The following RNF123 variants were observed in gnomAD, a reference collection of about 807,000 sequenced individuals.
RNF123 encodes the protein E3 ubiquitin-protein ligase RNF123.
Under a neutral mutation model 168.5 loss-of-function variants are expected in RNF123, and 86 were observed. The observed-to-expected ratio is 0.51, with a 90% confidence interval of 0.43 to 0.61. RNF123 has a LOEUF of 0.61. Ranked by LOEUF, RNF123 falls within the 20% of genes least tolerant of loss-of-function variation. The probability of loss-of-function intolerance (pLI) is 0.00; values close to 1 mark genes in which losing one functional copy is unlikely to be tolerated. For synonymous variants in RNF123, 666 were observed against 689.1 expected, an observed-to-expected ratio of 0.97 and a Z score of 0.52; for missense variants, 1,419 against 1,729.7, an observed-to-expected ratio of 0.82 and a Z score of 3.19.
rs768721294 is a variant in RNF123 at position 49,718,797 on chromosome 3, G to T, written c.3501-1714G>T. The T allele has an allele frequency of 5.5e-5, 89 of 1,613,182 alleles. No homozygotes were observed. The Middle Eastern group carries it at 2.5e-3, about 45-fold the overall frequency. On this transcript the variant is annotated intron_variant, in intron 35 of 38. Coordinates refer to ENST00000327697, the MANE Select transcript of RNF123 (RefSeq NM_022064.5). ...GTAGCAGGTGGTAGAGGCGGCAGTCGCAAGGCAAAGGGTTGTTGTGCAAGT... is the reference window on the plus strand; with the variant it reads ...GTAGCAGGTGGTAGAGGCGGCAGTCTCAAGGCAAAGGGTTGTTGTGCAAGT...
chr3:49,706,905 T>C lies in RNF123; in HGVS notation c.2496+7T>C. ...TGCCACTGTCTACTCCCAGGTGTGCTGGTATTGCAGCTGCCCCTTCCCGAC... is the reference window on the plus strand; with the variant it reads ...TGCCACTGTCTACTCCCAGGTGTGCCGGTATTGCAGCTGCCCCTTCCCGAC... On this transcript the variant is annotated splice_region_variant and intron_variant, in intron 26 of 38. Coordinates refer to ENST00000327697, the MANE Select transcript of RNF123 (RefSeq NM_022064.5). 6 of 1,612,800 alleles carry C rather than the reference T, an allele frequency of 3.7e-6. No homozygotes were observed. Among genetic ancestry groups the C allele is most frequent in the Non-Finnish European group, 5.1e-6 (6 of 1,178,786 alleles).
At position 49,697,349 on chromosome 3, in the gene RNF123, T is replaced by C. The variant is rs770501654; in HGVS notation, c.248-14T>C. ...ATGCTCCACCCTGCCTGACCCCACC[T>C]CTCCTCTTTTCAGGACAGGTTGAAG... On this transcript the variant is annotated splice_polypyrimidine_tract_variant and intron_variant, in intron 4 of 38. Transcript: ENST00000327697. 1 of 1,605,452 alleles carries C rather than the reference T, an allele frequency of 6.2e-7. No individual in the cohort carries two copies. Among genetic ancestry groups the C allele is most frequent in the African/African-American group, 1.3e-5 (1 of 74,880 alleles).
intron 1 of RNF123, among the ~76,000 whole-genome samples, chr3:49,690,787 T>C (rs1038778273): frequency 7.2e-5 from 11 of 152,240 alleles, no homozygotes; most frequent in Non-Finnish European, 1.3e-4. Flanking sequence ...ACAGGGGCTC[T>C]GCCCCTAGGA....
In RNF123 at chr3:49,700,462, C is replaced by CT; in HGVS notation, c.1111-8dup. Reference sequence around the variant, plus strand: ...CCCAGTCATGGCTGCCTTGGCATCTCTTCCCCCAGGACTACGAGGTACAAG... The same window carrying CT: ...CCCAGTCATGGCTGCCTTGGCATCTCTTTCCCCCAGGACTACGAGGTACAAG... On this transcript the variant is annotated splice_polypyrimidine_tract_variant and intron_variant, in intron 13 of 38. Transcript: ENST00000327697. 6.2e-7 allele frequency: 1 copy of CT among 1,613,646 alleles called. No homozygotes were observed. The highest frequency in any genetic ancestry group is 1.1e-5 in the South Asian group (1 of 91,070).
Position 49,700,231 on chromosome 3 carries a change from A to G in RNF123, c.989A>G (p.Lys330Arg), listed in dbSNP as rs1327957879. 9 of 1,614,034 alleles carry G rather than the reference A, an allele frequency of 5.6e-6. No individual in the cohort carries two copies. Among genetic ancestry groups the G allele is most frequent in the Admixed American group, 1.7e-5 (1 of 60,008 alleles). Reference sequence around the variant, plus strand: ...CAGTGCCTGGCCTTGGTGCAGCGCAAGGTGTATCTGGTGGAGGCTGTGCTC... The same window carrying G: ...CAGTGCCTGGCCTTGGTGCAGCGCAGGGTGTATCTGGTGGAGGCTGTGCTC... Reference protein sequence around the residue: ...IFHHFAPLLRKVYLVEAVLMS... With the variant: ...IFHHFAPLLRRVYLVEAVLMS... The change falls in exon 13 of 39, where the codon AAG (lysine) becomes AGG (arginine). Residue 330 changes from lysine to arginine, a missense_variant. By Grantham distance (26) the Lys-to-Arg change is conservative. Around this residue, in one of 5 missense-constraint regions of RNF123, gnomAD observed 318 missense variants for 446.6 expected, o/e 0.71. Coordinates refer to ENST00000327697, the MANE Select transcript of RNF123 (RefSeq NM_022064.5).
intron 31 of RNF123, 120 bp from the exon 32 acceptor site, chr3:49,715,455 A>AT (rs1273891918): frequency 7.3e-6 from 9 of 1,229,296 alleles, no homozygotes; most frequent in Middle Eastern, 2.7e-4. Context: ...TGACCTGAGC[A>AT]TTCCTAGGGA....
chr3:49,705,489 G>A (rs2054497609), intron 23 of RNF123, 45 bp from the exon 24 acceptor site: 1 of 1,538,228 alleles, frequency 6.5e-7, no homozygotes, highest in Admixed American at 2.1e-5. Context: ...GCTCAGGAGA[G>A]CCGGGATGGC....
chr3:49,696,981 C>A (rs545195926), intron 3 of RNF123, 162 bp from the exon 4 acceptor site: 9 of 678,764 alleles, frequency 1.3e-5, no homozygotes, highest in Admixed American at 1.2e-4. Context: ...GTGGAGAATT[C>A]GGCCTTCTGA....
At chr3:49,715,003 C>T (rs754326686) in intron 31 of RNF123, among the ~76,000 whole-genome samples, 1 of 152,230 alleles carries the variant, frequency 6.6e-6, no homozygotes, top group Non-Finnish European at 1.5e-5. Flanking sequence ...CCTGCTGCTG[C>T]GGGAACTATT....
chr3:49,694,435 G>C lies in RNF123; in HGVS notation c.168-2708G>C, dbSNP rs2054228982. On this transcript the variant is annotated intron_variant, in intron 3 of 38. Transcript: ENST00000327697. ...TTACTGAGCATCTTTAGGGCCAGGG[G>C]GTCTGCTGTGGCCCATACCAGTGCC... 2.0e-5 allele frequency among the ~76,000 whole-genome samples: 3 copies of C among 152,290 alleles called. 1 individual carries two copies. In the East Asian group the frequency reaches 5.8e-4, roughly 29 times the overall value.
rs1320232211 is a variant in RNF123, at chr3:49,716,006, C to T, written c.3335C>T (p.Ala1112Val). 6.2e-7 allele frequency: 1 copy of T among 1,613,944 alleles called. No individual in the cohort carries two copies. The highest frequency in any genetic ancestry group is 1.7e-5 in the Admixed American group (1 of 60,026). ...PTSEMLLRRL[A>V]QLLNQVLNRV... is the part of the protein sequence containing the mutation. ...TCTGAGATGCTGCTGCGGCGTCTTG[C>T]ACAGGTGTGGCCATCTGGGCAACAA... The change falls in exon 33 of 39, where the codon GCA becomes GTA. Residue 1112 changes from alanine (A) to valine (V), a missense_variant. Ala to Val is a moderately conservative substitution (Grantham distance 64, BLOSUM62 0). Around this residue, in one of 5 missense-constraint regions of RNF123, gnomAD observed 538 missense variants for 708.8 expected, o/e 0.76. Transcript: ENST00000327697.
chr3:49,692,655 C>G (rs1164215111), intron 3 of RNF123, among the ~76,000 whole-genome samples: 1 of 152,226 alleles, frequency 6.6e-6, no homozygotes. Flanking sequence ...TGGTAACCAT[C>G]CAGTACTTTG....
intron 21 of RNF123, 41 bp downstream of exon 21, chr3:49,703,569 G>C (rs1216507253): frequency 1.3e-6 from 2 of 1,530,600 alleles, no homozygotes; most frequent in East Asian, 2.3e-5. Flanking sequence ...TCTGGGGCCA[G>C]GTGGGGGACT....
At chr3:49,691,843 G>A (rs1158279788) in intron 3 of RNF123, among the ~76,000 whole-genome samples, 1 of 152,204 alleles carries the variant, frequency 6.6e-6, no homozygotes, top group Non-Finnish European at 1.5e-5. Flanking sequence ...CTGGCCCCTT[G>A]TAGCTTCTGA....
chr3:49,690,207 T>C (rs1244134869), intron 1 of RNF123, among the ~76,000 whole-genome samples: 4 of 152,368 alleles, frequency 2.6e-5, no homozygotes, highest in African/African-American at 9.6e-5. Flanking sequence ...AGCGAAACTC[T>C]AGACCTGCGC....
At chr3:49,719,122 T>C (rs181529239) in intron 35 of RNF123, 2 of 1,613,484 alleles carry the variant, frequency 1.2e-6, no homozygotes, top group East Asian at 2.2e-5. Flanking sequence ...AGATGATAGA[T>C]CGAGCAGCCT....
chr3:49,717,864 C>A, intron 35 of RNF123: 1 of 1,427,946 alleles, frequency 7.0e-7, no homozygotes, highest in African/African-American at 1.4e-5. Context: ...GTGCTTCCCA[C>A]CAGTATCTGC....
In RNF123 at chr3:49,699,931, C is replaced by T; in HGVS notation, c.984+159C>T. The T allele has an allele frequency of 1.3e-6, 1 of 745,396 alleles. No individual in the cohort carries two copies. Among genetic ancestry groups the T allele is most frequent in the South Asian group, 1.7e-5 (1 of 58,500 alleles). 46.2% of individuals were successfully genotyped at this position (745,396 alleles called of 1,614,324 possible). Reference sequence around the variant, plus strand: ...AGGGCCCTCAGACCTCAGTCAGTCCCCTAGGGAAACAGGGACATTGCCAAC... The same window carrying T: ...AGGGCCCTCAGACCTCAGTCAGTCCTCTAGGGAAACAGGGACATTGCCAAC... On this transcript the variant is annotated intron_variant, in intron 12 of 38. Transcript: ENST00000327697. This position sits in a 1 kb window ranked among gnomAD's most constrained non-coding sequence, Gnocchi z 4.8.
intron 7 of RNF123, 98 bp from the exon 8 acceptor site, chr3:49,698,342 C>A: frequency 9.1e-7 from 1 of 1,093,618 alleles, no homozygotes; most frequent in African/African-American, 1.5e-5. Context: ...CATCTGTTCC[C>A]TTCTGTAGAG....
Sources: allele counts gnomAD v4.1 joint callset (sites outside exome capture counted in the v4.1 genomes callset), GRCh38; gene constraint gnomAD v4.1.1; regional missense constraint gnomAD v4.1.1; non-coding constraint Gnocchi (gnomAD v3.1); transcripts MANE v1.5; gene names NCBI Gene and HGNC (gene_info 2026-07-23, HGNC 2026-07-21).